Variants in FKBP5 observed in about 807,000 individuals in gnomAD.
FKBP5 encodes the protein FKBP prolyl isomerase 5.
A neutral mutation model predicts 50.5 loss-of-function variants in FKBP5; 23 were observed. The observed-to-expected ratio is 0.46, with a 90% CI of 0.33 to 0.65. The LOEUF is 0.65. Among genes scored for constraint, FKBP5 ranks in the 30% least tolerant of loss-of-function variants. FKBP5 has a pLI of 0.02. For synonymous variants in FKBP5, 176 were observed against 190.6 expected (o/e 0.92, Z 0.63); for missense variants, 411 against 553.1 (o/e 0.74, Z 2.58).
intron 2 of FKBP5, among the ~76,000 whole-genome samples, chr6:35,700,738 A>G (rs1261782535): frequency 1.3e-5 from 2 of 152,260 alleles, no homozygotes; most frequent in East Asian, 3.9e-4. Context: ...TGGGCGGATC[A>G]CCTGAGGTCA....
intron 2 of FKBP5, among the ~76,000 whole-genome samples, chr6:35,704,907 C>T (rs987753284): frequency 6.6e-5 from 10 of 151,408 alleles, no homozygotes; most frequent in Non-Finnish European, 1.0e-4. Flanking sequence ...TTTGGGAGGC[C>T]GAGGCGGGCG....
intron 2 of FKBP5, among the ~76,000 whole-genome samples, chr6:35,703,250 C>CA (rs987135404): frequency 1.2e-3 from 164 of 136,992 alleles, no homozygotes; most frequent in East Asian, 7.5e-3. Flanking sequence ...GACTCCATCT[C>CA]AAAAAAAAAA....
intron 8 of FKBP5, 37 bp downstream of exon 8, chr6:35,586,997 C>CT: frequency 6.2e-7 from 1 of 1,613,340 alleles, no homozygotes; most frequent in Non-Finnish European, 8.5e-7. Context: ...TGAATAAATT[C>CT]TTTGAGATGG....
chr6:35,701,249 T>G lies in FKBP5; in HGVS notation c.-20+19079A>C, dbSNP rs367828585. ...TTTGTTTTTGTTTTTTGTTTTTTTG[T>G]TTTTTTTTTTTTGAGACGGAGTCTC... On this transcript the variant is annotated intron_variant, in intron 2 of 11. Transcript: ENST00000536438. 2.7e-3 allele frequency among the ~76,000 whole-genome samples: 350 copies of G among 127,724 alleles called. 1 individual carries two copies. The highest frequency in any genetic ancestry group is 0.022 in the Middle Eastern group (6 of 268). 83.8% of individuals were successfully genotyped at this position (127,724 alleles called of 152,430 possible). A position where few individuals can be genotyped will look rare whatever the true frequency, so the allele number is the denominator to read the frequency against.
rs112426834 is a variant in FKBP5 at position 35,586,926 on chromosome 6, T to G, written c.840+108A>C. On this transcript the variant is annotated intron_variant, in intron 8 of 10. Coordinates refer to ENST00000357266, the MANE Select transcript of FKBP5 (RefSeq NM_004117.4). ...CAGATTTATAAAAATTGCAGCTTAT[T>G]CTTACCAAGCAGTGTTGACAAAATT... The G allele has an allele frequency of 1.9e-6, 3 of 1,570,390 alleles. No homozygotes were observed. In the African/African-American group the frequency reaches 4.1e-5, roughly 21 times the overall value.
At chr6:35,626,440 A>G (rs984133062) in intron 3 of FKBP5, among the ~76,000 whole-genome samples, 1 of 152,188 alleles carries the variant, frequency 6.6e-6, no homozygotes, top group African/African-American at 2.4e-5. Flanking sequence ...ACCACTTCAG[A>G]ACATTCTGAC....
intron 1 of FKBP5, among the ~76,000 whole-genome samples, chr6:35,686,388 A>C (rs1765827873): frequency 6.6e-6 from 1 of 152,212 alleles, no homozygotes; most frequent in South Asian, 2.1e-4. Flanking sequence ...ACATATGTAA[A>C]TAAATTTATG....
chr6:35,640,467 G>A (rs191905906), intron 2 of FKBP5, among the ~76,000 whole-genome samples: 26 of 152,326 alleles, frequency 1.7e-4, no homozygotes, highest in African/African-American at 6.0e-4. Context: ...TTCTGGATGA[G>A]TCAGCGAGTG....
chr6:35,581,269 TATATA>T (rs1004642681), intron 8 of FKBP5: 32 of 432,128 alleles, frequency 7.4e-5, no homozygotes, highest in East Asian at 1.6e-4. Flanking sequence ...AATATAAACA[TATATA>T]ATATATATAT....
chr6:35,696,530 T>G (rs1456821197), intron 2 of FKBP5, among the ~76,000 whole-genome samples: 1 of 149,020 alleles, frequency 6.7e-6, no homozygotes, highest in African/African-American at 2.5e-5. Context: ...AAAAAAAAAT[T>G]GGAAAAACAT....
intron 8 of FKBP5, chr6:35,582,684 T>C: frequency 1.0e-6 from 1 of 985,376 alleles, no homozygotes; most frequent in African/African-American, 1.7e-5. Flanking sequence ...AAGACAATAC[T>C]TAAATTTTGT....
At chr6:35,724,964 C>T (rs890905952) in intron 1 of FKBP5, among the ~76,000 whole-genome samples, 1 of 152,150 alleles carries the variant, frequency 6.6e-6, no homozygotes, top group African/African-American at 2.4e-5. Context: ...TAGTGAGTCT[C>T]CTGTGCCACA....
In FKBP5 at chr6:35,580,131, C is replaced by A. The variant is rs367780907; in HGVS notation, c.931G>T (p.Ala311Ser). ...EYGLSEKESK[A>S]SESFLLAAFL... is the part of the protein sequence containing the mutation. ...GCAGCAAGGAGAAATGATTCAGAAG[C>A]TTTCGATTCCTTTTCTGATAAACCA... The change falls in exon 9 of 11, where the codon GCT becomes TCT. Residue 311 changes from alanine (A) to serine (S), a missense_variant. Physicochemically the swap from Ala to Ser is moderately conservative, Grantham distance 99 (BLOSUM62 1). This residue lies in a region of FKBP5 where 267 missense variants were observed against 405.9 expected (regional missense o/e 0.66). Transcript: ENST00000357266. 3 of 1,614,070 alleles carry A rather than the reference C, an allele frequency of 1.9e-6. No individual in the cohort carries two copies. Among genetic ancestry groups the A allele is most frequent in the Non-Finnish European group, 2.5e-6 (3 of 1,179,930 alleles).
chr6:35,637,248 C>G (rs1561870000), intron 2 of FKBP5, 90 bp from the exon 3 acceptor site: 1 of 1,129,508 alleles, frequency 8.9e-7, no homozygotes, highest in Non-Finnish European at 1.3e-6. Context: ...CCCAAGACAT[C>G]CAGGCAGATA....
chr6:35,616,853 AT>A (rs1033840414), intron 5 of FKBP5, among the ~76,000 whole-genome samples: 2 of 151,786 alleles, frequency 1.3e-5, no homozygotes, highest in Non-Finnish European at 2.9e-5. Context: ...AAAATTTAAA[AT>A]ACACATTATA....
At chr6:35,610,591 A>AAT (rs71002577) in intron 5 of FKBP5, among the ~76,000 whole-genome samples, 1 of 147,978 alleles carries the variant, frequency 6.8e-6, no homozygotes, top group Non-Finnish European at 1.5e-5. Context: ...AAAAAAAAAA[A>AAT]GTTTCAAAAA....
chr6:35,582,275 A>C (rs1404054286), intron 8 of FKBP5: 1 of 985,262 alleles, frequency 1.0e-6, no homozygotes, highest in Non-Finnish European at 1.2e-6. Flanking sequence ...TTAAATGCTG[A>C]AATTCTTGAG....
intron 2 of FKBP5, 77 bp downstream of exon 2, chr6:35,642,643 G>GC (rs1441403266): frequency 5.5e-6 from 6 of 1,093,440 alleles, no homozygotes; most frequent in Non-Finnish European, 6.8e-6. Flanking sequence ...ATCCACCCCA[G>GC]CCCCCCTCAG....
upstream of FKBP5, among the ~76,000 whole-genome samples, chr6:35,690,419 C>G (rs1178333925): frequency 2.0e-5 from 3 of 150,550 alleles, no homozygotes; most frequent in East Asian, 2.0e-4. Context: ...GAGCCGAGAT[C>G]GCACCATTGC....
Sources: gnomAD v4.1 joint callset for allele counts (sites outside exome capture counted in the v4.1 genomes callset) on GRCh38, gnomAD v4.1.1 for gene constraint, gnomAD v4.1.1 regional missense constraint, MANE v1.5 for transcripts, NCBI Gene and HGNC (gene_info 2026-07-23, HGNC 2026-07-21) for gene names.